The following CAMTA1 variants were observed in gnomAD, a reference collection of about 807,000 sequenced individuals.
CAMTA1 encodes the protein calmodulin binding transcription activator 1.
In CAMTA1, 27 loss-of-function variants were observed where a neutral mutation model predicts 170.9. That is an observed-to-expected ratio of 0.16 (90% confidence interval 0.12 to 0.22). CAMTA1 has a LOEUF of 0.22. Ranked by LOEUF, CAMTA1 falls within the 10% of genes least tolerant of loss-of-function variation. CAMTA1 has a pLI of 1.00. For missense variants in CAMTA1, 1,619 were observed against 2,217.2 expected, an observed-to-expected ratio of 0.73 and a Z score of 5.42; for synonymous variants, 833 against 891.5, an observed-to-expected ratio of 0.93 and a Z score of 1.17.
At chr1:7,489,885 G>A (rs946493468) in intron 6 of CAMTA1, among the ~76,000 whole-genome samples, 1 of 152,154 alleles carries the variant, frequency 6.6e-6, no homozygotes, top group South Asian at 2.1e-4. Context: ...CCGAGCAGAC[G>A]GGGTGACTGG....
rs1469629839 is a variant in CAMTA1 at position 7,041,204 on chromosome 1, C to T, written c.235-50100C>T. On this transcript the variant is annotated intron_variant, in intron 3 of 22. Transcript: ENST00000303635. This position sits in a 1 kb window ranked among gnomAD's most constrained non-coding sequence, Gnocchi z 5.1. ...CTTGGTTCATTTTCTACACGAGGCC[C>T]CACACGGCCCCGGAGCTGGAGCTTC... is the stretch of plus-strand genomic sequence containing the variant. 2.6e-5 allele frequency among the ~76,000 whole-genome samples: 4 copies of T among 152,356 alleles called. No individual in the cohort carries two copies. Among genetic ancestry groups the T allele is most frequent in the East Asian group, 1.9e-4 (1 of 5,180 alleles).
chr1:7,718,241 C>T (rs986183138), intron 11 of CAMTA1, among the ~76,000 whole-genome samples: 8 of 152,044 alleles, frequency 5.3e-5, no homozygotes, highest in Admixed American at 1.3e-4. Context: ...GTGGGTGTTC[C>T]GTAAACACAG....
rs545517504 is a variant in CAMTA1 at position 7,518,633 on chromosome 1, C to T, written c.510+50732C>T. Among the ~76,000 whole-genome samples the T allele has an allele frequency of 3.6e-4, 54 of 152,086 alleles. 1 individual carries two copies. In the South Asian group the frequency reaches 0.011, roughly 30 times the overall value. ...GAGAAATGGACCTGTGCCCACCCAG[C>T]GCTGGTTCCAGGAGAAGGGCCGGGC... On this transcript the variant is annotated intron_variant, in intron 6 of 22. Transcript: ENST00000303635.
chr1:7,507,006 ACATCT>A (rs2094126313), intron 6 of CAMTA1, among the ~76,000 whole-genome samples: 1 of 149,630 alleles, frequency 6.7e-6, no homozygotes, highest in Admixed American at 6.6e-5. Flanking sequence ...ATTCACACTA[ACATCT>A]CATGCTCACA....
chr1:7,074,561 G>A (rs1019432766), intron 3 of CAMTA1, among the ~76,000 whole-genome samples: 2 of 152,140 alleles, frequency 1.3e-5, no homozygotes, highest in Admixed American at 1.3e-4. Flanking sequence ...ATATAGTGTT[G>A]TATCTTGCTT....
At chr1:7,127,460 A>G (rs773324521) in intron 4 of CAMTA1, among the ~76,000 whole-genome samples, 21 of 151,908 alleles carry the variant, frequency 1.4e-4, no homozygotes, top group Non-Finnish European at 2.6e-4. Context: ...ACTCATCGCT[A>G]AAAATATTTC....
chr1:6,896,078 G>T (rs1675609319), intron 3 of CAMTA1, among the ~76,000 whole-genome samples: 1 of 152,104 alleles, frequency 6.6e-6, no homozygotes, highest in Non-Finnish European at 1.5e-5. Context: ...CCACTTGGTG[G>T]AACTAGCTGC....
In CAMTA1 at chr1:7,387,297, G is replaced by A. The variant is rs74055406; in HGVS notation, c.439-80533G>A. On this transcript the variant is annotated intron_variant, in intron 5 of 22. Coordinates refer to ENST00000303635, the MANE Select transcript of CAMTA1 (RefSeq NM_015215.4). ...CACCATTTCCACCACCCAGTGACTG[G>A]CTTCTCTCTCCCACCGACATGGCAC... Among the ~76,000 whole-genome samples, 1,190 of 151,984 alleles carry A rather than the reference G, an allele frequency of 7.8e-3. 16 individuals are homozygous for A. The highest frequency in any genetic ancestry group is 0.027 in the African/African-American group (1,114 of 41,436).
At chr1:7,551,642 C>T (rs1201690676) in intron 6 of CAMTA1, among the ~76,000 whole-genome samples, 1 of 152,240 alleles carries the variant, frequency 6.6e-6, no homozygotes, top group East Asian at 1.9e-4. Context: ...TGCAACCCGA[C>T]TCCCCTGTGG....
chr1:7,621,088 A>G (rs961532695), intron 6 of CAMTA1, among the ~76,000 whole-genome samples: 1 of 152,204 alleles, frequency 6.6e-6, no homozygotes, highest in Non-Finnish European at 1.5e-5. Flanking sequence ...AGCAGGGCCC[A>G]ACAGTGGAGA....
rs1234497132 is a variant in CAMTA1 at position 7,010,807 on chromosome 1, C to A, written c.235-80497C>A. 6.6e-6 allele frequency among the ~76,000 whole-genome samples: 1 copy of A among 152,202 alleles called. No individual in the cohort carries two copies. The highest frequency in any genetic ancestry group is 6.5e-5 in the Admixed American group (1 of 15,282). ...AGTTTCTTGTACTCAGCTTCCCCAT[C>A]ACCTTCCTTCCATTTCAGCAGAACC... On this transcript the variant is annotated intron_variant, in intron 3 of 22. Coordinates refer to ENST00000303635, the MANE Select transcript of CAMTA1 (RefSeq NM_015215.4). The surrounding 1 kb of genome is among the most constrained non-coding windows in gnomAD (Gnocchi z 4.4).
chr1:7,744,996 C>T lies in CAMTA1; in HGVS notation c.4344C>T (p.Asp1448=). 1.2e-6 allele frequency: 2 copies of T among 1,613,798 alleles called. No individual in the cohort carries two copies. The highest frequency in any genetic ancestry group is 1.7e-6 in the Non-Finnish European group (2 of 1,179,800). ...TGGCCAGTTATCTAGCGGATGCTGA[C>T]TGCCTTCCCAGTGCTGCCCAGATCC... ...SWLASYLADA[D]CLPSAAQIRS... The change falls in exon 17 of 23, where the codon GAC becomes GAT. Residue 1448 remains aspartate, a synonymous_variant. Transcript: ENST00000303635.
At chr1:7,127,793 C>T (rs1645020392) in intron 4 of CAMTA1, among the ~76,000 whole-genome samples, 2 of 152,200 alleles carry the variant, frequency 1.3e-5, no homozygotes, top group African/African-American at 4.8e-5. Flanking sequence ...TGCAGGAAAC[C>T]GCTAACCTAG....
At chr1:7,652,057 C>G (rs552179431) in intron 7 of CAMTA1, among the ~76,000 whole-genome samples, 15 of 151,996 alleles carry the variant, frequency 9.9e-5, no homozygotes, top group African/African-American at 3.4e-4. Context: ...CCCACCCCCA[C>G]CATACCCCAA....
intron 3 of CAMTA1, among the ~76,000 whole-genome samples, chr1:6,937,730 TCAC>T (rs1416508500): frequency 3.8e-4 from 56 of 146,464 alleles, no homozygotes; most frequent in African/African-American, 1.4e-3. Flanking sequence ...ATCACCATCA[TCAC>T]AGTCATCACC....
chr1:7,617,811 C>A (rs1321287790), intron 6 of CAMTA1, among the ~76,000 whole-genome samples: 2 of 151,036 alleles, frequency 1.3e-5, no homozygotes, highest in African/African-American at 4.9e-5. Flanking sequence ...GTGAAATAGT[C>A]CAGTGAATGG....
At position 6,952,431 on chromosome 1, in the gene CAMTA1, AAAAAAAAG is replaced by A. The variant is rs1412056468; in HGVS notation, c.234+127229_234+127236del. On this transcript the variant is annotated intron_variant, in intron 3 of 22. Coordinates refer to ENST00000303635, the MANE Select transcript of CAMTA1 (RefSeq NM_015215.4). ...GGGGGACAGAGCGAGACTCTGTCTC[AAAAAAAAG>A]AAAAAAAAAAAAAAAAAGAGATAAC... Among the ~76,000 whole-genome samples the A allele has an allele frequency of 3.3e-4, 19 of 57,402 alleles. No individual in the cohort carries two copies. In the South Asian group the frequency reaches 5.9e-3, roughly 18 times the overall value. The allele number at this position is 57,402 out of a possible 152,430, so 37.7% of individuals were successfully genotyped here.
intron 6 of CAMTA1, among the ~76,000 whole-genome samples, chr1:7,470,662 G>A (rs897389670): frequency 1.3e-5 from 2 of 152,168 alleles, no homozygotes; most frequent in Non-Finnish European, 2.9e-5. Flanking sequence ...AAAGGTAAGG[G>A]CATTGGAGGA....
chr1:7,461,145 A>C (rs2093077862), intron 5 of CAMTA1, among the ~76,000 whole-genome samples: 1 of 152,234 alleles, frequency 6.6e-6, no homozygotes, highest in Non-Finnish European at 1.5e-5. Flanking sequence ...AGGGGAGCTC[A>C]GGAATGAGCT....
Sources: gnomAD v4.1 joint callset for allele counts (sites outside exome capture counted in the v4.1 genomes callset) on GRCh38, gnomAD v4.1.1 for gene constraint, Gnocchi (gnomAD v3.1) non-coding constraint, MANE v1.5 for transcripts, NCBI Gene and HGNC (gene_info 2026-07-23, HGNC 2026-07-21) for gene names.